RIMS2: variants seen among roughly 807,000 people sequenced by gnomAD.
RIMS2 encodes the protein regulating synaptic membrane exocytosis protein 2.
A neutral mutation model predicts 174.4 loss-of-function variants in RIMS2; 59 were observed. The ratio of observed to expected loss-of-function variants is 0.34; its 90% CI spans 0.27 to 0.42. The LOEUF is 0.42. RIMS2 is among the 10% of genes least tolerant of loss of function. RIMS2 has a pLI of 1.00. For synonymous variants in RIMS2, 606 were observed against 572.5 expected, an observed-to-expected ratio of 1.06 and a Z score of -0.84; for missense variants, 1,620 against 1,666.3, an observed-to-expected ratio of 0.97 and a Z score of 0.48.
chr8:103,966,080 G>A (rs1416024183), intron 15 of RIMS2, among the ~76,000 whole-genome samples: 4 of 152,098 alleles, frequency 2.6e-5, no homozygotes, highest in African/African-American at 9.7e-5. Flanking sequence ...ATGTTCATGA[G>A]AGATGTATTC....
chr8:104,096,512 T>C (rs1312276311), intron 19 of RIMS2, among the ~76,000 whole-genome samples: 2 of 152,182 alleles, frequency 1.3e-5, no homozygotes, highest in African/African-American at 2.4e-5. Context: ...GGAGGCCAGG[T>C]TGATCTCTGT....
intron 19 of RIMS2, among the ~76,000 whole-genome samples, chr8:104,100,772 A>G (rs995112199): frequency 6.9e-6 from 1 of 145,520 alleles, no homozygotes; most frequent in East Asian, 2.0e-4. Flanking sequence ...TGCCAAAAAC[A>G]TACTAATCCC....
At chr8:103,996,546 T>A (rs1413349011) in intron 17 of RIMS2, among the ~76,000 whole-genome samples, 1 of 151,804 alleles carries the variant, frequency 6.6e-6, no homozygotes, top group African/African-American at 2.4e-5. Context: ...GAATATAAGA[T>A]CAGGAAATGA....
At chr8:103,901,993 G>C (rs1046180515) in intron 4 of RIMS2, among the ~76,000 whole-genome samples, 17 of 152,150 alleles carry the variant, frequency 1.1e-4, no homozygotes, top group African/African-American at 3.9e-4. Flanking sequence ...AGTTTCTGTT[G>C]GTTAGGAGTC....
At chr8:104,251,660 A>C in exon 24 of RIMS2, 3 of 1,610,538 alleles carry the variant, frequency 1.9e-6, no homozygotes, top group Non-Finnish European at 2.5e-6. Flanking sequence ...GGAGTGGCCC[A>C]GATACTTTTA....
At chr8:104,226,840 A>G (rs114373702) in intron 19 of RIMS2, among the ~76,000 whole-genome samples, 7 of 152,168 alleles carry the variant, frequency 4.6e-5, no homozygotes, top group African/African-American at 1.4e-4. Context: ...TGGAGTTAAG[A>G]TATAAACCCA....
chr8:104,251,604 C>G, exon 24 of RIMS2: 2 of 1,575,468 alleles, frequency 1.3e-6, no homozygotes, highest in Non-Finnish European at 1.7e-6. Context: ...GCCAACAGAT[C>G]ATCGTCTGGG....
chr8:103,810,292 G>T (rs2098678249), intron 3 of RIMS2, among the ~76,000 whole-genome samples: 1 of 152,138 alleles, frequency 6.6e-6, no homozygotes. Context: ...TGCTGACAAG[G>T]AAGGTGGGCA....
intron 1 of RIMS2, among the ~76,000 whole-genome samples, chr8:103,526,868 T>TGA (rs1834287136): frequency 1.3e-5 from 2 of 152,188 alleles, no homozygotes; most frequent in East Asian, 3.9e-4. Flanking sequence ...GCTGAGAACT[T>TGA]TTTCAATACT....
intron 16 of RIMS2, among the ~76,000 whole-genome samples, chr8:103,988,650 G>A (rs1261086628): frequency 6.6e-6 from 1 of 152,036 alleles, no homozygotes; most frequent in Non-Finnish European, 1.5e-5. Context: ...AGTAGAGACA[G>A]GGTTTCTCCA....
chr8:104,105,593 A>G (rs2098033026), intron 19 of RIMS2, among the ~76,000 whole-genome samples: 1 of 152,054 alleles, frequency 6.6e-6, no homozygotes, highest in Non-Finnish European at 1.5e-5. Context: ...TTTAGGACAG[A>G]GTCTCATTTT....
chr8:103,624,417 ACT>A (rs2095724915), intron 1 of RIMS2, among the ~76,000 whole-genome samples: 1 of 152,182 alleles, frequency 6.6e-6, no homozygotes, highest in African/African-American at 2.4e-5. Context: ...ACACCTTCAG[ACT>A]CTGACTGAGT....
At chr8:103,690,158 T>A (rs1345043511) in intron 1 of RIMS2, among the ~76,000 whole-genome samples, 4 of 152,094 alleles carry the variant, frequency 2.6e-5, no homozygotes. Flanking sequence ...GAGACAGGGT[T>A]TCAGAATGTT....
At chr8:103,682,405 T>C (rs1249676182) in intron 1 of RIMS2, among the ~76,000 whole-genome samples, 1 of 152,134 alleles carries the variant, frequency 6.6e-6, no homozygotes, top group Non-Finnish European at 1.5e-5. Flanking sequence ...CAGTGAGGAC[T>C]GTGACACATA....
intron 2 of RIMS2, among the ~76,000 whole-genome samples, chr8:103,755,608 C>T (rs2097984330): frequency 6.6e-6 from 1 of 152,146 alleles, no homozygotes; most frequent in Admixed American, 6.6e-5. Context: ...TCCTTTACTT[C>T]TTGCAGGCTT....
At chr8:104,038,261 T>C (rs10110289) in intron 19 of RIMS2, among the ~76,000 whole-genome samples, 2,257 of 152,118 alleles carry the variant, frequency 0.015, 53 homozygotes, top group African/African-American at 0.051. Context: ...TTTGTGAAAA[T>C]ATTTTATTTT....
chr8:103,880,200 G>T (rs2154517183), intron 3 of RIMS2, among the ~76,000 whole-genome samples: 1 of 151,692 alleles, frequency 6.6e-6, no homozygotes, highest in Admixed American at 6.6e-5. Flanking sequence ...CAAGCACATA[G>T]TTATTTTAGA....
chr8:103,944,871 A>G (rs911321741), intron 14 of RIMS2, among the ~76,000 whole-genome samples: 2 of 152,066 alleles, frequency 1.3e-5, no homozygotes, highest in South Asian at 4.1e-4. Flanking sequence ...AGAAAGAAAC[A>G]AGAACTAGGA....
intron 2 of RIMS2, among the ~76,000 whole-genome samples, chr8:103,717,545 A>C (rs1157986233): frequency 6.6e-6 from 1 of 152,228 alleles, no homozygotes; most frequent in Non-Finnish European, 1.5e-5. Context: ...TCCAGAGTTA[A>C]TGCAGGATGC....
Sources: gnomAD v4.1 joint callset for allele counts (sites outside exome capture counted in the v4.1 genomes callset) on GRCh38, gnomAD v4.1.1 for gene constraint, MANE v1.5 for transcripts, NCBI Gene and HGNC (gene_info 2026-07-23, HGNC 2026-07-21) for gene names.